The following BBX variants were observed in gnomAD, a reference collection of about 807,000 sequenced individuals.
BBX encodes the protein HMG box transcription factor BBX.
In BBX, 30 loss-of-function variants were observed where a neutral mutation model predicts 100.2. The ratio of observed to expected loss-of-function variants is 0.30; its 90% CI spans 0.22 to 0.41. The LOEUF (loss-of-function observed/expected upper bound fraction) is 0.41, where lower values mean the gene tolerates loss of function less well. Among genes scored for constraint, BBX ranks in the 10% least tolerant of loss-of-function variants. The probability of loss-of-function intolerance (pLI) is 1.00; values close to 1 mark genes in which losing one functional copy is unlikely to be tolerated. For synonymous variants in BBX, 376 were observed against 388.1 expected (o/e 0.97, Z 0.37); for missense variants, 1,023 against 1,129.8 (o/e 0.91, Z 1.35).
intron 7 of BBX, among the ~76,000 whole-genome samples, chr3:107,735,296 G>A (rs2107545435): frequency 6.6e-6 from 1 of 152,170 alleles, no homozygotes; most frequent in South Asian, 2.1e-4. Flanking sequence ...TAATAAATAT[G>A]TACTTATGTT....
At chr3:107,791,656 T>C (rs1295412294) in intron 15 of BBX, among the ~76,000 whole-genome samples, 1 of 152,154 alleles carries the variant, frequency 6.6e-6, no homozygotes, top group African/African-American at 2.4e-5. Context: ...TGGCTGGGCA[T>C]GGGCAGGCCT....
intron 10 of BBX, among the ~76,000 whole-genome samples, chr3:107,767,924 C>G (rs1560122586): frequency 6.6e-6 from 1 of 152,170 alleles, no homozygotes; most frequent in South Asian, 2.1e-4. Flanking sequence ...CAAGAGGGAA[C>G]TGGTAAAGAG....
At chr3:107,564,799 A>T (rs1001032951) in intron 2 of BBX, among the ~76,000 whole-genome samples, 2 of 152,136 alleles carry the variant, frequency 1.3e-5, no homozygotes, top group African/African-American at 4.8e-5. Context: ...AAATTCTCTT[A>T]TTTCTTTTCA....
At chr3:107,786,294 C>A (rs2068416146) in intron 13 of BBX, among the ~76,000 whole-genome samples, 1 of 152,066 alleles carries the variant, frequency 6.6e-6, no homozygotes, top group Non-Finnish European at 1.5e-5. Context: ...CAGCTGACTT[C>A]TTTGTAGAAA....
intron 2 of BBX, among the ~76,000 whole-genome samples, chr3:107,576,636 A>G (rs2051797591): frequency 6.6e-6 from 1 of 152,182 alleles, no homozygotes; most frequent in Non-Finnish European, 1.5e-5. Context: ...TATAAATTCA[A>G]TAAATTTGTG....
chr3:107,667,072 T>A (rs73850115), intron 3 of BBX, among the ~76,000 whole-genome samples: 2,078 of 152,316 alleles, frequency 0.014, 47 homozygotes, highest in African/African-American at 0.048. Flanking sequence ...AATGTTCTGT[T>A]CAGAGAAGCA....
chr3:107,689,045 AT>A (rs1285701307), intron 3 of BBX, among the ~76,000 whole-genome samples: 3 of 151,932 alleles, frequency 2.0e-5, no homozygotes, highest in African/African-American at 4.8e-5. Flanking sequence ...GGTTTTCCTT[AT>A]TTTTTTCCCC....
At chr3:107,584,632 T>G in intron 2 of BBX, among the ~76,000 whole-genome samples, 1 of 130,960 alleles carries the variant, frequency 7.6e-6, no homozygotes, top group Admixed American at 8.4e-5. Context: ...CTTTATGGGG[T>G]GGGGAAGGCT....
intron 12 of BBX, among the ~76,000 whole-genome samples, chr3:107,775,864 T>G (rs570195592): frequency 6.6e-6 from 1 of 152,160 alleles, no homozygotes; most frequent in African/African-American, 2.4e-5. Context: ...ATTGAAATGA[T>G]ATATTTATAA....
At chr3:107,757,404 G>A (rs183874543) in intron 10 of BBX, among the ~76,000 whole-genome samples, 1 of 152,256 alleles carries the variant, frequency 6.6e-6, no homozygotes, top group Non-Finnish European at 1.5e-5. Context: ...TTTAACAGAT[G>A]TTTGAATGTT....
At chr3:107,788,634 G>A (rs2068682374) in intron 13 of BBX, among the ~76,000 whole-genome samples, 1 of 152,030 alleles carries the variant, frequency 6.6e-6, no homozygotes, top group Non-Finnish European at 1.5e-5. Flanking sequence ...AATTAGCCAG[G>A]CATGGTGATC....
chr3:107,598,503 A>G (rs1180777393), intron 2 of BBX, among the ~76,000 whole-genome samples: 1 of 152,228 alleles, frequency 6.6e-6, no homozygotes, highest in African/African-American at 2.4e-5. Flanking sequence ...AATTTTGAGT[A>G]AACAACAAAC....
At chr3:107,634,172 A>G (rs2056720043) in intron 2 of BBX, among the ~76,000 whole-genome samples, 2 of 152,210 alleles carry the variant, frequency 1.3e-5, no homozygotes, top group Admixed American at 6.5e-5. Context: ...AAAGATGACA[A>G]TGCTTACTTA....
At chr3:107,766,163 A>G (rs1308231341) in intron 10 of BBX, among the ~76,000 whole-genome samples, 1 of 152,210 alleles carries the variant, frequency 6.6e-6, no homozygotes, top group East Asian at 1.9e-4. Context: ...AAAAAGGACC[A>G]AGGTCAATGA....
intron 2 of BBX, among the ~76,000 whole-genome samples, chr3:107,638,853 GT>G (rs1165367683): frequency 2.8e-5 from 4 of 143,742 alleles, no homozygotes; most frequent in African/African-American, 7.7e-5. Context: ...GCCAGGTCTG[GT>G]GGCATGTGCC....
intron 3 of BBX, among the ~76,000 whole-genome samples, chr3:107,694,769 G>A (rs1228299490): frequency 6.6e-6 from 1 of 151,706 alleles, no homozygotes; most frequent in African/African-American, 2.4e-5. Flanking sequence ...CAGAAGGAAT[G>A]GTACCAATTC....
At chr3:107,543,522 A>C (rs930634433) in intron 2 of BBX, among the ~76,000 whole-genome samples, 3 of 152,250 alleles carry the variant, frequency 2.0e-5, no homozygotes, top group African/African-American at 4.8e-5. Context: ...TTATGTTACT[A>C]GTTCTACTTT....
intron 2 of BBX, among the ~76,000 whole-genome samples, chr3:107,631,616 G>A (rs1026955368): frequency 6.6e-6 from 1 of 151,064 alleles, no homozygotes. Flanking sequence ...TGTTTTTAAA[G>A]TCATCATCAT....
intron 2 of BBX, among the ~76,000 whole-genome samples, chr3:107,540,361 T>A (rs1314367326): frequency 1.3e-5 from 2 of 152,054 alleles, no homozygotes; most frequent in Non-Finnish European, 2.9e-5. Flanking sequence ...AAGATCTGGA[T>A]CTTATCTTTG....
Sources: allele counts gnomAD v4.1 joint callset (sites outside exome capture counted in the v4.1 genomes callset), GRCh38; gene constraint gnomAD v4.1.1; transcripts MANE v1.5; gene names NCBI Gene and HGNC (gene_info 2026-07-23, HGNC 2026-07-21).